GHR: variants seen among roughly 807,000 people sequenced by gnomAD.
GHR encodes growth hormone receptor.
In GHR, 35 loss-of-function variants were observed where a neutral mutation model predicts 67.1. The observed-to-expected ratio is 0.52, with a 90% CI of 0.40 to 0.69. GHR has a LOEUF of 0.69. Among genes scored for constraint, GHR ranks in the 30% least tolerant of loss-of-function variants. The pLI, the probability that GHR is intolerant of heterozygous loss-of-function variation, is 0.00. For missense variants in GHR, 792 were observed against 764.6 expected, an observed-to-expected ratio of 1.04 and a Z score of -0.42; for synonymous variants, 272 against 269.1, an observed-to-expected ratio of 1.01 and a Z score of -0.10.
rs116154687 is a variant in GHR, at chr5:42,659,632, G to A, written c.137-29258G>A. ...AAAGAGGTTTAAAAAAGTTCTCTTC[G>A]ATGGCCAAATAGGAACAGCTCCGGT... On this transcript the variant is annotated intron_variant, in intron 3 of 9. Coordinates refer to ENST00000230882, the MANE Select transcript of GHR (RefSeq NM_000163.5). Among the ~76,000 whole-genome samples, 1,377 of 152,258 alleles carry A rather than the reference G, an allele frequency of 9.0e-3. 27 individuals are homozygous for A. The highest frequency in any genetic ancestry group is 0.032 in the African/African-American group (1,322 of 41,544).
At chr5:42,569,860 T>C (rs1378874854) in intron 2 of GHR, among the ~76,000 whole-genome samples, 4 of 152,162 alleles carry the variant, frequency 2.6e-5, no homozygotes, top group South Asian at 2.1e-4. Context: ...TATATCATTC[T>C]GTACCATTCA....
chr5:42,698,197 G>C (rs1757769126), intron 5 of GHR, among the ~76,000 whole-genome samples: 1 of 152,154 alleles, frequency 6.6e-6, no homozygotes, highest in Admixed American at 6.5e-5. Context: ...GTAGATTTAT[G>C]TATAGAGATA....
At position 42,701,217 on chromosome 5, in the gene GHR, G is replaced by T. The variant is rs78576390; in HGVS notation, c.618+1215G>T. On this transcript the variant is annotated intron_variant, in intron 6 of 9. Transcript: ENST00000230882. Reference sequence around the variant, plus strand: ...AAAAGCAATGCTGGAAACACTGCTGGCACCTTAGCATGAAGCAAGGCAGTA... The same window carrying T: ...AAAAGCAATGCTGGAAACACTGCTGTCACCTTAGCATGAAGCAAGGCAGTA... 9.1e-3 allele frequency among the ~76,000 whole-genome samples: 1,390 copies of T among 152,228 alleles called. 21 individuals carry two copies. The highest frequency in any genetic ancestry group is 0.032 in the African/African-American group (1,327 of 41,528).
chr5:42,567,387 T>A (rs774160609), intron 2 of GHR, among the ~76,000 whole-genome samples: 1 of 152,262 alleles, frequency 6.6e-6, no homozygotes, highest in Admixed American at 6.5e-5. Flanking sequence ...GACATTTTAC[T>A]AAAACTTTGA....
intron 1 of GHR, among the ~76,000 whole-genome samples, chr5:42,488,125 G>T (rs1050005375): frequency 6.6e-6 from 1 of 152,060 alleles, no homozygotes; most frequent in Non-Finnish European, 1.5e-5. Flanking sequence ...GTTTTGTTTG[G>T]TTTCATCATA....
chr5:42,587,086 A>T (rs1427497687), intron 2 of GHR, among the ~76,000 whole-genome samples: 1 of 145,976 alleles, frequency 6.9e-6, no homozygotes, highest in Non-Finnish European at 1.5e-5. Flanking sequence ...TCTTATCAAG[A>T]CATTTGTAAG....
chr5:42,556,305 AC>A (rs1749306179), intron 1 of GHR, among the ~76,000 whole-genome samples: 1 of 152,200 alleles, frequency 6.6e-6, no homozygotes, highest in South Asian at 2.1e-4. Flanking sequence ...ATTATATCTC[AC>A]CAAGATAATG....
Position 42,428,489 on chromosome 5 carries a change from T to A in GHR, c.-12+4534T>A, listed in dbSNP as rs549560436. ...TTGGTGACCAACATTTGGCTTCTCA[T>A]TACTTATGCAAATTTCTGCAGCAGT... On this transcript the variant is annotated intron_variant, in intron 1 of 9. Transcript: ENST00000230882. Among the ~76,000 whole-genome samples, 7 of 152,344 alleles carry A rather than the reference T, an allele frequency of 4.6e-5. No individual in the cohort carries two copies. The South Asian group carries it at 1.4e-3, about 32-fold the overall frequency.
intron 3 of GHR, among the ~76,000 whole-genome samples, chr5:42,665,009 G>A (rs1755879270): frequency 6.6e-6 from 1 of 152,160 alleles, no homozygotes; most frequent in African/African-American, 2.4e-5. Flanking sequence ...CACCATCACT[G>A]GCTATCAGAG....
At chr5:42,607,242 A>C (rs1752672907) in intron 2 of GHR, among the ~76,000 whole-genome samples, 1 of 152,144 alleles carries the variant, frequency 6.6e-6, no homozygotes, top group Non-Finnish European at 1.5e-5. Flanking sequence ...ACCCAGTCTC[A>C]GGTAGTTTCT....
chr5:42,543,685 C>G (rs900844749), intron 1 of GHR, among the ~76,000 whole-genome samples: 1 of 152,028 alleles, frequency 6.6e-6, no homozygotes, highest in Non-Finnish European at 1.5e-5. Flanking sequence ...ATAGATCTAC[C>G]TTTTATTATA....
intron 3 of GHR, among the ~76,000 whole-genome samples, chr5:42,662,419 T>G (rs1324022348): frequency 6.6e-6 from 1 of 152,170 alleles, no homozygotes; most frequent in Non-Finnish European, 1.5e-5. Context: ...CAGACCACAG[T>G]GCAATCAAAC....
At chr5:42,659,648 C>G (rs983578174) in intron 3 of GHR, among the ~76,000 whole-genome samples, 2 of 152,168 alleles carry the variant, frequency 1.3e-5, no homozygotes, top group East Asian at 1.9e-4. Context: ...CAAATAGGAA[C>G]AGCTCCGGTC....
chr5:42,552,279 C>A (rs569378855), intron 1 of GHR, among the ~76,000 whole-genome samples: 2 of 152,320 alleles, frequency 1.3e-5, no homozygotes, highest in East Asian at 3.9e-4. Context: ...GATAGACTGG[C>A]CTTCCTGCTT....
chr5:42,595,988 C>T (rs1465402153), intron 2 of GHR, among the ~76,000 whole-genome samples: 1 of 152,172 alleles, frequency 6.6e-6, no homozygotes, highest in Non-Finnish European at 1.5e-5. Flanking sequence ...ACTCTCACTT[C>T]AGTTTCTAAA....
intron 1 of GHR, among the ~76,000 whole-genome samples, chr5:42,559,600 G>T (rs1749491484): frequency 6.6e-6 from 1 of 151,934 alleles, no homozygotes; most frequent in Non-Finnish European, 1.5e-5. Flanking sequence ...AAAATTGGAG[G>T]CCTACTATAT....
At chr5:42,577,190 A>T (rs1336342640) in intron 2 of GHR, among the ~76,000 whole-genome samples, 1 of 152,220 alleles carries the variant, frequency 6.6e-6, no homozygotes, top group South Asian at 2.1e-4. Context: ...ACAGCTTCAT[A>T]TAATTGTTTT....
rs542354400 is a variant in GHR at position 42,615,212 on chromosome 5, GA to G, written c.71-13816del. Among the ~76,000 whole-genome samples, 315 of 146,934 alleles carry G rather than the reference GA, an allele frequency of 2.1e-3. 1 individual carries two copies. Among genetic ancestry groups the G allele is most frequent in the South Asian group, 8.8e-3 (41 of 4,646 alleles). ...AAAGTTTTGTAAACTCTACAGCAAA[GA>G]AAAAAAAAACTGCTACAGAAAAAAT... On this transcript the variant is annotated intron_variant, in intron 2 of 9. Transcript: ENST00000230882.
intron 1 of GHR, chr5:42,467,214 G>A (rs1214671983): frequency 2.6e-6 from 4 of 1,520,334 alleles, no homozygotes; most frequent in Non-Finnish European, 3.6e-6. Context: ...ATTCACTGCA[G>A]TCATAAGGTT....
Sources: allele counts gnomAD v4.1 joint callset (sites outside exome capture counted in the v4.1 genomes callset), GRCh38; gene constraint gnomAD v4.1.1; transcripts MANE v1.5; gene names NCBI Gene and HGNC (gene_info 2026-07-23, HGNC 2026-07-21).